Variants in CAPN1 observed in about 807,000 individuals in gnomAD.
CAPN1 encodes calpain-1 catalytic subunit.
A neutral mutation model predicts 105.2 loss-of-function variants in CAPN1; 77 were observed. The observed-to-expected ratio is 0.73, with a 90% CI of 0.61 to 0.88. The LOEUF (loss-of-function observed/expected upper bound fraction) is 0.88, where lower values mean the gene tolerates loss of function less well. CAPN1 is among the 40% of genes least tolerant of loss of function. The probability of loss-of-function intolerance (pLI) is 0.00; values close to 1 mark genes in which losing one functional copy is unlikely to be tolerated. For synonymous variants in CAPN1, 355 were observed against 388.8 expected (o/e 0.91, Z 1.02); for missense variants, 833 against 976.6 (o/e 0.85, Z 1.96).
At chr11:65,181,881 G>GGGAGGGC (rs892388419), upstream of CAPN1, 14 of 170,206 alleles carry the variant, frequency 8.2e-5, no homozygotes, top group South Asian at 3.7e-4. This position sits in a 1 kb window ranked among gnomAD's most constrained non-coding sequence, Gnocchi z 4.6. Flanking sequence ...GAAGGAGAGA[G>GGGAGGGC]GGAGGGCGGA....
chr11:65,207,087 C>T (rs1948972310), intron 14 of CAPN1, among the ~76,000 whole-genome samples: 1 of 152,176 alleles, frequency 6.6e-6, no homozygotes, highest in Admixed American at 6.5e-5. Context: ...ATTTCCTCCC[C>T]ACATCAACCC....
rs778406844 is a variant in CAPN1 at position 65,210,404 on chromosome 11, G to A, written c.2011G>A (p.Asp671Asn). The change falls in exon 20 of 22, where the codon GAC becomes AAC. Residue 671 changes from aspartate to asparagine, a missense_variant. Asp to Asn is a conservative substitution (Grantham distance 23). Coordinates refer to ENST00000279247, the MANE Select transcript of CAPN1 (RefSeq NM_005186.4). This position sits in a 1 kb window ranked among gnomAD's most constrained non-coding sequence, Gnocchi z 4.3. Reference sequence around the variant, plus strand: ...CTACTCGGAGCCCGACCTGGCGGTCGACTTTGACAATTTCGTTTGCTGCCT... The same window carrying A: ...CTACTCGGAGCCCGACCTGGCGGTCAACTTTGACAATTTCGTTTGCTGCCT... ...TRYSEPDLAV[D>N]FDNFVCCLVR... 8.1e-6 allele frequency: 13 copies of A among 1,613,264 alleles called. No individual in the cohort carries two copies. The highest frequency in any genetic ancestry group is 2.2e-5 in the East Asian group (1 of 44,870).
At position 65,211,636 on chromosome 11, in the gene CAPN1, C is replaced by A. The variant is rs1421401286; in HGVS notation, c.*350C>A. 2.4e-6 allele frequency: 1 copy of A among 421,904 alleles called. No individual in the cohort carries two copies. The highest frequency in any genetic ancestry group is 2.0e-5 in the African/African-American group (1 of 50,808). 26.1% of individuals were successfully genotyped at this position (421,904 alleles called of 1,614,324 possible). A position where few individuals can be genotyped will look rare whatever the true frequency, so the allele number is the denominator to read the frequency against. ...CACTTCAGAGGCCACCCACTCAGCACCACCGGCCTGGCCTTGCCTGCAGAC... is the reference window on the plus strand; with the variant it reads ...CACTTCAGAGGCCACCCACTCAGCAACACCGGCCTGGCCTTGCCTGCAGAC... On this transcript the variant is annotated 3_prime_UTR_variant, in exon 22 of 22. Transcript: ENST00000279247.
At chr11:65,187,841 G>C in intron 7 of CAPN1, 114 bp from the exon 8 acceptor site, 1 of 706,812 alleles carries the variant, frequency 1.4e-6, no homozygotes, top group Non-Finnish European at 2.5e-6. Flanking sequence ...GCAGTGAGCT[G>C]AGATCGCACC....
chr11:65,185,199 C>A (rs1036624179), intron 4 of CAPN1, among the ~76,000 whole-genome samples: 1 of 151,940 alleles, frequency 6.6e-6, no homozygotes, highest in African/African-American at 2.4e-5. Flanking sequence ...CCCAGCCCCA[C>A]AATGGGTACA....
Position 65,208,578 on chromosome 11 carries a change from C to T in CAPN1, c.1729+316C>T. 1 of 461,382 alleles carries T rather than the reference C, an allele frequency of 2.2e-6. No individual in the cohort carries two copies. Among genetic ancestry groups the T allele is most frequent in the Non-Finnish European group, 4.0e-6 (1 of 248,620 alleles). 28.6% of individuals were successfully genotyped at this position (461,382 alleles called of 1,614,324 possible). A position where few individuals can be genotyped will look rare whatever the true frequency, so the allele number is the denominator to read the frequency against. On this transcript the variant is annotated intron_variant, in intron 16 of 21. Transcript: ENST00000279247. This position sits in a 1 kb window ranked among gnomAD's most constrained non-coding sequence, Gnocchi z 4.1. Reference sequence around the variant, plus strand: ...GAGTCGCTTCAGCCCAGGAGTTCAACACCAGCCTGGACAATATGGAGAGAC... The same window carrying T: ...GAGTCGCTTCAGCCCAGGAGTTCAATACCAGCCTGGACAATATGGAGAGAC...
At position 65,188,574 on chromosome 11, in the gene CAPN1, C is replaced by T; in HGVS notation, c.1005-12C>T. On this transcript the variant is annotated splice_polypyrimidine_tract_variant and intron_variant, in intron 9 of 21. Transcript: ENST00000279247. The surrounding 1 kb of genome is among the most constrained non-coding windows in gnomAD (Gnocchi z 5.5). ...GACGGGCTGTGCCTCACCTGTGTAC[C>T]TCCCACCTCAGGATGTCATTCCGAG... 1.2e-6 allele frequency: 2 copies of T among 1,613,984 alleles called. No individual in the cohort carries two copies. Among genetic ancestry groups the T allele is most frequent in the Non-Finnish European group, 1.7e-6 (2 of 1,179,852 alleles).
At chr11:65,197,135 C>T (rs967394382) in intron 10 of CAPN1, among the ~76,000 whole-genome samples, 19 of 152,252 alleles carry the variant, frequency 1.2e-4, no homozygotes, top group Admixed American at 7.2e-4. Flanking sequence ...TCAGCCAGTA[C>T]GCTATTCTCT....
intron 14 of CAPN1, among the ~76,000 whole-genome samples, chr11:65,207,667 C>T (rs927032816): frequency 6.6e-6 from 1 of 151,816 alleles, no homozygotes; most frequent in East Asian, 2.0e-4. Flanking sequence ...AATCCTAGCA[C>T]TTTGGGAGGT....
Position 65,211,373 on chromosome 11 carries a change from A to G in CAPN1, c.*87A>G. ...CTACCACACCACACCAGGCCACCCC[A>G]GCTGCAAGTGCCTTCCTTGGAGCAG... On this transcript the variant is annotated 3_prime_UTR_variant, in exon 22 of 22. Coordinates refer to ENST00000279247, the MANE Select transcript of CAPN1 (RefSeq NM_005186.4). 1 of 1,329,922 alleles carries G rather than the reference A, an allele frequency of 7.5e-7. No individual in the cohort carries two copies. Among genetic ancestry groups the G allele is most frequent in the Non-Finnish European group, 1.1e-6 (1 of 939,572 alleles). 82.4% of individuals were successfully genotyped at this position (1,329,922 alleles called of 1,614,324 possible).
chr11:65,204,932 C>G (rs1948932086), intron 11 of CAPN1, 74 bp downstream of exon 11: 1 of 1,323,308 alleles, frequency 7.6e-7, no homozygotes, highest in East Asian at 2.3e-5. Flanking sequence ...GCAGTGCAGG[C>G]GGGCTTCCAC....
intron 10 of CAPN1, among the ~76,000 whole-genome samples, chr11:65,193,752 AT>A (rs942766086): frequency 6.7e-6 from 1 of 148,870 alleles, no homozygotes; most frequent in Non-Finnish European, 1.5e-5. Context: ...GTCTTGCTCT[AT>A]TGCCCAGGCT....
intron 10 of CAPN1, among the ~76,000 whole-genome samples, chr11:65,197,932 TGAC>T (rs1412789323): frequency 6.6e-6 from 1 of 151,870 alleles, no homozygotes; most frequent in Non-Finnish European, 1.5e-5. Flanking sequence ...TTTTGTCCTT[TGAC>T]TAGAGAGTTT....
intron 1 of CAPN1, chr11:65,182,249 G>A (rs1948548097): frequency 1.2e-5 from 2 of 162,336 alleles, no homozygotes; most frequent in African/African-American, 2.4e-5. Context: ...CCTGAGGAGG[G>A]GGACCCCGAC....
rs1335609241 is a variant in CAPN1, at chr11:65,208,537, T to A, written c.1729+275T>A. 3.8e-6 allele frequency: 2 copies of A among 527,444 alleles called. No individual in the cohort carries two copies. The highest frequency in any genetic ancestry group is 6.9e-6 in the Non-Finnish European group (2 of 290,558). The allele number at this position is 527,444 out of a possible 1,614,324, so 32.7% of individuals were successfully genotyped here. The stretch of plus-strand genomic sequence containing the variant: ...GCTCACACCTGTAGTCCCAACACTC[T>A]GGGAGGCCGAGGCAGGAGTCGCTTC... On this transcript the variant is annotated intron_variant, in intron 16 of 21. Coordinates refer to ENST00000279247, the MANE Select transcript of CAPN1 (RefSeq NM_005186.4). This position sits in a 1 kb window ranked among gnomAD's most constrained non-coding sequence, Gnocchi z 4.1.
At chr11:65,207,312 G>C (rs1948976288) in intron 14 of CAPN1, among the ~76,000 whole-genome samples, 1 of 149,156 alleles carries the variant, frequency 6.7e-6, no homozygotes, top group Non-Finnish European at 1.5e-5. Context: ...TGATTCTCCT[G>C]CCTCAGCCTC....
In CAPN1 at chr11:65,204,773, T is replaced by G; in HGVS notation, c.1256T>G (p.Phe419Cys). 6.2e-7 allele frequency: 1 copy of G among 1,613,150 alleles called. No individual in the cohort carries two copies. Among genetic ancestry groups the G allele is most frequent in the South Asian group, 1.1e-5 (1 of 91,088 alleles). ...GGGGACCGCGAGTCAGGCTGCAGCTTCGTGCTCGCCCTTATGCAGAAGCAC... is the reference window on the plus strand; with the variant it reads ...GGGGACCGCGAGTCAGGCTGCAGCTGCGTGCTCGCCCTTATGCAGAAGCAC... ...DYGDRESGCS[F>C]VLALMQKHRR... The change falls in exon 11 of 22, where the codon TTC (phenylalanine) becomes TGC (cysteine). Residue 419 changes from phenylalanine (F) to cysteine (C), a missense_variant. Physicochemically the swap from Phe to Cys is radical, Grantham distance 205. Transcript: ENST00000279247.
In CAPN1 at chr11:65,209,888, A is replaced by G. The variant is rs1364164873; in HGVS notation, c.1834A>G (p.Ile612Val). ...GAAGCTGGGCCTGGTGGAGTTCAAC[A>G]TCCTGTGGAACCGCATCCGGAATTA... ...NGKLGLVEFN[I>V]LWNRIRNYLS... The change falls in exon 18 of 22, where the codon ATC becomes GTC. Residue 612 changes from isoleucine to valine, a missense_variant. Coordinates refer to ENST00000279247, the MANE Select transcript of CAPN1 (RefSeq NM_005186.4). The surrounding 1 kb of genome is among the most constrained non-coding windows in gnomAD (Gnocchi z 4.1). 6.2e-7 allele frequency: 1 copy of G among 1,613,462 alleles called. No individual in the cohort carries two copies. The highest frequency in any genetic ancestry group is 1.7e-5 in the Admixed American group (1 of 59,986).
In CAPN1 at chr11:65,208,274, C is replaced by T. The variant is rs17886317; in HGVS notation, c.1729+12C>T. On this transcript the variant is annotated intron_variant, in intron 16 of 21. Coordinates refer to ENST00000279247, the MANE Select transcript of CAPN1 (RefSeq NM_005186.4). The surrounding 1 kb of genome is among the most constrained non-coding windows in gnomAD (Gnocchi z 4.1). ...GATCATCAGCAAACGTGAGTCCCCG[C>T]GGGGCTGTCCCACCACCCCACCATT... 76,612 of 1,554,778 alleles carry T rather than the reference C, an allele frequency of 0.049. 2,030 individuals are homozygous for T. Among genetic ancestry groups the T allele is most frequent in the Middle Eastern group, 0.072 (427 of 5,962 alleles).
Sources: gnomAD v4.1 joint callset for allele counts (sites outside exome capture counted in the v4.1 genomes callset) on GRCh38, gnomAD v4.1.1 for gene constraint, Gnocchi (gnomAD v3.1) non-coding constraint, MANE v1.5 for transcripts, NCBI Gene and HGNC (gene_info 2026-07-23, HGNC 2026-07-21) for gene names.